CDK1: variants seen among roughly 807,000 people sequenced by gnomAD.
The protein encoded by CDK1 is cyclin dependent kinase 1.
A neutral mutation model predicts 34.6 loss-of-function variants in CDK1; 5 were observed. That is an observed-to-expected ratio of 0.14 (90% confidence interval 0.08 to 0.30). The LOEUF is 0.30. Among genes scored for constraint, CDK1 ranks in the 10% least tolerant of loss-of-function variants. The pLI, the probability that CDK1 is intolerant of heterozygous loss-of-function variation, is 1.00. For missense variants in CDK1, 157 were observed against 345.7 expected (o/e 0.45, Z 4.33); for synonymous variants, 108 against 114.7 (o/e 0.94, Z 0.37).
chr10:60,782,282 A>AT (rs2080279628), intron 2 of CDK1, among the ~76,000 whole-genome samples: 2 of 151,792 alleles, frequency 1.3e-5, no homozygotes, highest in African/African-American at 4.8e-5. Context: ...ATTATTTTTT[A>AT]TTTTTTTCAT....
In CDK1 at chr10:60,784,078, A is replaced by C. The variant is rs536420954; in HGVS notation, c.38-627A>C. ...CTATATTTTATGCCCACTTCGTTGC[A>C]GGGTAGGATATTGACAGAAGGTTAA... On this transcript the variant is annotated intron_variant, in intron 2 of 7. Transcript: ENST00000395284. Among the ~76,000 whole-genome samples the C allele has an allele frequency of 1.4e-4, 22 of 152,340 alleles. No homozygotes were observed. In the South Asian group the frequency reaches 2.9e-3, roughly 20 times the overall value.
At chr10:60,783,477 A>C (rs1440843421) in intron 2 of CDK1, 2 of 152,150 alleles carry the variant, frequency 1.3e-5, no homozygotes, top group East Asian at 3.9e-4. Flanking sequence ...CCTTTTTTAA[A>C]ATATTGCTAC....
At chr10:60,781,587 T>A (rs781326779) in intron 2 of CDK1, among the ~76,000 whole-genome samples, 4 of 152,224 alleles carry the variant, frequency 2.6e-5, no homozygotes, top group Non-Finnish European at 5.9e-5. Flanking sequence ...GTATTATTAC[T>A]ATGAACACTG....
At chr10:60,790,008 C>T (rs1033358169) in intron 5 of CDK1, among the ~76,000 whole-genome samples, 5 of 152,054 alleles carry the variant, frequency 3.3e-5, no homozygotes, top group Admixed American at 6.6e-5. Flanking sequence ...ATGTTGAGCA[C>T]TTTTTCATAT....
chr10:60,792,528 A>G (rs1286105520), intron 7 of CDK1, among the ~76,000 whole-genome samples: 1 of 129,974 alleles, frequency 7.7e-6, no homozygotes, highest in Non-Finnish European at 1.6e-5. Flanking sequence ...TCTGAGGGAG[A>G]AGCCAGGATT....
At chr10:60,780,260 G>A (rs747199208) in intron 2 of CDK1, 58 bp downstream of exon 2, 14 of 869,036 alleles carry the variant, frequency 1.6e-5, no homozygotes, top group Non-Finnish European at 2.4e-5. Flanking sequence ...TACAACTTCT[G>A]TAATATGAAC....
At position 60,792,289 on chromosome 10, in the gene CDK1, G is replaced by C. The variant is rs543143746; in HGVS notation, c.795G>C (p.Ser265=). ...NLDENGLDLL[S]KMLIYDPAKR... The stretch of plus-strand genomic sequence containing the variant: ...ATGAAAATGGCTTGGATTTGCTCTC[G>C]GTAAGGAGTGCCCTTGATACTGACT... The change falls in exon 7 of 8, where the codon TCG becomes TCC. Residue 265 remains serine, a splice_region_variant and synonymous_variant. Coordinates refer to ENST00000395284, the MANE Select transcript of CDK1 (RefSeq NM_001786.5). 6.2e-7 allele frequency: 1 copy of C among 1,600,902 alleles called. No homozygotes were observed. The highest frequency in any genetic ancestry group is 1.1e-5 in the South Asian group (1 of 88,508).
intron 7 of CDK1, among the ~76,000 whole-genome samples, chr10:60,792,797 G>A (rs1040663240): frequency 2.0e-5 from 3 of 151,994 alleles, no homozygotes; most frequent in African/African-American, 4.8e-5. Flanking sequence ...GACTCCTTAT[G>A]CCACAAAATT....
intron 2 of CDK1, 83 bp downstream of exon 2, chr10:60,780,285 A>G: frequency 6.4e-6 from 5 of 783,952 alleles, no homozygotes; most frequent in South Asian, 5.9e-5. Flanking sequence ...TTAAATATTT[A>G]TTAAAATTCA....
At chr10:60,786,301 G>T in intron 4 of CDK1, 1 of 977,136 alleles carries the variant, frequency 1.0e-6, no homozygotes, top group Non-Finnish European at 1.2e-6. Context: ...TCTTACACTT[G>T]TATGTATGTT....
chr10:60,786,353 GGA>G, intron 4 of CDK1: 1 of 853,484 alleles, frequency 1.2e-6, no homozygotes, highest in Non-Finnish European at 1.4e-6. Flanking sequence ...TACACAAGGT[GGA>G]CTTATTTGCA....
At chr10:60,785,484 A>G (rs944419332) in intron 3 of CDK1, among the ~76,000 whole-genome samples, 180 bp from the exon 4 acceptor site, 2 of 152,204 alleles carry the variant, frequency 1.3e-5, no homozygotes, top group Admixed American at 1.3e-4. Context: ...GCTTAATTTT[A>G]AATAGTTGCC....
At chr10:60,793,269 T>TA (rs2080373839) in intron 7 of CDK1, among the ~76,000 whole-genome samples, 1 of 152,130 alleles carries the variant, frequency 6.6e-6, no homozygotes, top group Admixed American at 6.6e-5. Flanking sequence ...AACTAGTTAG[T>TA]AAAAAATCTC....
chr10:60,784,494 G>C (rs576082241), intron 2 of CDK1, among the ~76,000 whole-genome samples: 8 of 152,102 alleles, frequency 5.3e-5, no homozygotes, highest in African/African-American at 1.9e-4. Flanking sequence ...GCCGAGTGTG[G>C]TGGCATGTGC....
At position 60,782,378 on chromosome 10, in the gene CDK1, C is replaced by T. The variant is rs566526159; in HGVS notation, c.37+2176C>T. On this transcript the variant is annotated intron_variant, in intron 2 of 7. Transcript: ENST00000395284. Reference sequence around the variant, plus strand: ...ACAACCTAATTCATTTCTTAAATACCTCCAGACTTTACTATTTTAAATATT... The same window carrying T: ...ACAACCTAATTCATTTCTTAAATACTTCCAGACTTTACTATTTTAAATATT... 3.9e-5 allele frequency among the ~76,000 whole-genome samples: 6 copies of T among 152,218 alleles called. No homozygotes were observed. The South Asian group carries it at 6.2e-4, about 16-fold the overall frequency.
At chr10:60,789,563 G>A (rs1241721890) in intron 5 of CDK1, among the ~76,000 whole-genome samples, 1 of 152,078 alleles carries the variant, frequency 6.6e-6, no homozygotes, top group Non-Finnish European at 1.5e-5. Context: ...TTATGGCTGA[G>A]TAGTATTCTA....
rs1183100151 is a variant in CDK1, at chr10:60,792,006, A to G, written c.606A>G (p.Pro202=). Residue 202 remains proline, a synonymous_variant, in exon 6 of 8, where the codon CCA becomes CCG. Coordinates refer to ENST00000395284, the MANE Select transcript of CDK1 (RefSeq NM_001786.5). ...TIFAELATKK[P]LFHGDSEIDQ... ...TTGCTGAACTAGCAACTAAGAAACCACTTTTCCATGGGGATTCAGAAATTG... is the reference window on the plus strand; with the variant it reads ...TTGCTGAACTAGCAACTAAGAAACCGCTTTTCCATGGGGATTCAGAAATTG... 2 of 1,612,900 alleles carry G rather than the reference A, an allele frequency of 1.2e-6. No individual in the cohort carries two copies. Among genetic ancestry groups the G allele is most frequent in the African/African-American group, 2.7e-5 (2 of 74,872 alleles).
intron 1 of CDK1, 70 bp from the exon 2 acceptor site, chr10:60,780,071 G>C: frequency 2.6e-6 from 2 of 755,068 alleles, no homozygotes; most frequent in East Asian, 2.5e-5. Flanking sequence ...TTTACATATA[G>C]TGTTTCATTA....
At chr10:60,789,473 A>G (rs1306526556) in intron 5 of CDK1, among the ~76,000 whole-genome samples, 2 of 152,148 alleles carry the variant, frequency 1.3e-5, no homozygotes, top group African/African-American at 4.8e-5. Context: ...GAGTGAAAAC[A>G]TGTGGTATTT....
Sources: gnomAD v4.1 joint callset for allele counts (sites outside exome capture counted in the v4.1 genomes callset) on GRCh38, gnomAD v4.1.1 for gene constraint, MANE v1.5 for transcripts, NCBI Gene and HGNC (gene_info 2026-07-23, HGNC 2026-07-21) for gene names.